The following RANBP9 variants were observed in gnomAD, a reference collection of about 807,000 sequenced individuals.
RANBP9 encodes RAN binding protein 9.
A neutral mutation model predicts 84.3 loss-of-function variants in RANBP9; 15 were observed. That is an observed-to-expected ratio of 0.18 (90% CI 0.12 to 0.27). The LOEUF (loss-of-function observed/expected upper bound fraction) is 0.27. Ranked by LOEUF, RANBP9 falls within the 10% of genes least tolerant of loss-of-function variation. The pLI, the probability that RANBP9 is intolerant of heterozygous loss-of-function variation, is 1.00. For missense variants in RANBP9, 809 were observed against 912.8 expected, an observed-to-expected ratio of 0.89 and a Z score of 1.46; for synonymous variants, 392 against 349.6, an observed-to-expected ratio of 1.12 and a Z score of -1.35.
At chr6:13,652,832 A>G in intron 4 of RANBP9, 151 bp from the exon 5 acceptor site, 1 of 645,218 alleles carries the variant, frequency 1.5e-6, no homozygotes, top group East Asian at 2.8e-5. Context: ...TTTTTAATCA[A>G]TAATACTAAC....
rs1325073516 is a variant in RANBP9, at chr6:13,653,287, T to C, written c.905-606A>G. On this transcript the variant is annotated intron_variant, in intron 4 of 13. Coordinates refer to ENST00000011619, the MANE Select transcript of RANBP9 (RefSeq NM_005493.3). ...GTTTAGAATTTCTCTTGAATACCTT[T>C]TGACAGTAATTACAACAGTCATGTT... 2.6e-5 allele frequency among the ~76,000 whole-genome samples: 4 copies of C among 152,162 alleles called. No individual in the cohort carries two copies. The East Asian group carries it at 7.7e-4, about 29-fold the overall frequency.
chr6:13,673,326 TAA>T (rs1765816429), intron 2 of RANBP9, among the ~76,000 whole-genome samples: 1 of 151,992 alleles, frequency 6.6e-6, no homozygotes, highest in Admixed American at 6.6e-5. Flanking sequence ...GAAAGAAAAA[TAA>T]AGACTTTCTC....
chr6:13,709,052 A>C (rs1758205356), intron 1 of RANBP9, among the ~76,000 whole-genome samples: 1 of 152,236 alleles, frequency 6.6e-6, no homozygotes. Flanking sequence ...AACAGAAAGT[A>C]ATAAAGAGGC....
chr6:13,698,524 A>C (rs1246459783), intron 1 of RANBP9, among the ~76,000 whole-genome samples: 2 of 152,190 alleles, frequency 1.3e-5, no homozygotes, highest in African/African-American at 4.8e-5. Flanking sequence ...GTTACAAATA[A>C]ATCTATAGAA....
chr6:13,629,725 A>G (rs1261775178), intron 12 of RANBP9, among the ~76,000 whole-genome samples: 1 of 152,180 alleles, frequency 6.6e-6, no homozygotes, highest in Non-Finnish European at 1.5e-5. Flanking sequence ...AAACAATTCA[A>G]GAGTTCTTTT....
chr6:13,632,612 T>C (rs1764822436), intron 11 of RANBP9, 91 bp from the exon 12 acceptor site: 2 of 1,188,290 alleles, frequency 1.7e-6, no homozygotes, highest in Non-Finnish European at 2.4e-6. Flanking sequence ...TTTTGTACAT[T>C]TAGTAACTAT....
At chr6:13,674,741 T>C (rs1280797851) in intron 2 of RANBP9, among the ~76,000 whole-genome samples, 1 of 152,218 alleles carries the variant, frequency 6.6e-6, no homozygotes, top group African/African-American at 2.4e-5. Context: ...CAATACATAT[T>C]AAGGGCTGTA....
chr6:13,698,894 G>A (rs182733005), intron 1 of RANBP9, among the ~76,000 whole-genome samples: 10 of 152,162 alleles, frequency 6.6e-5, no homozygotes, highest in Admixed American at 2.6e-4. Flanking sequence ...CCCACATGAA[G>A]GATTTAGTTA....
intron 2 of RANBP9, among the ~76,000 whole-genome samples, chr6:13,682,830 G>A (rs1766076679): frequency 6.6e-6 from 1 of 152,170 alleles, no homozygotes. Flanking sequence ...TATAAAATGA[G>A]AGACTTTAAA....
chr6:13,651,961 G>A (rs1254212544), intron 5 of RANBP9, among the ~76,000 whole-genome samples: 1 of 151,898 alleles, frequency 6.6e-6, no homozygotes, highest in East Asian at 1.9e-4. Context: ...AGCCATCTGT[G>A]CTCCTGCCTG....
chr6:13,678,365 T>C (rs1273876773), intron 2 of RANBP9, among the ~76,000 whole-genome samples: 1 of 152,148 alleles, frequency 6.6e-6, no homozygotes, highest in Admixed American at 6.5e-5. Flanking sequence ...TTAAAACATG[T>C]TTCTTATTTA....
chr6:13,699,959 T>C (rs916945825), intron 1 of RANBP9, among the ~76,000 whole-genome samples: 6 of 152,218 alleles, frequency 3.9e-5, no homozygotes, highest in African/African-American at 1.4e-4. Flanking sequence ...AAAGGGCCTA[T>C]TTCTAACAAT....
In RANBP9 at chr6:13,696,853, C is replaced by T. The variant is rs1179391643; in HGVS notation, c.615G>A (p.Thr205=). 7.4e-6 allele frequency: 12 copies of T among 1,612,946 alleles called. No individual in the cohort carries two copies. The highest frequency in any genetic ancestry group is 3.3e-4 in the Middle Eastern group (2 of 6,082). ...TCCCACAGGCTGCTGGTATTGGATG[C>T]GTGGCTCGAACTGACGCGGCATCTT... ...TPKDAASVRA[T]HPIPAACGIY... is the part of the protein sequence containing the mutation. The change falls in exon 2 of 14, where the codon ACG becomes ACA. Residue 205 remains threonine (T), a synonymous_variant. Transcript: ENST00000011619.
At chr6:13,705,868 CAAAAA>C (rs767070995) in intron 1 of RANBP9, among the ~76,000 whole-genome samples, 5 of 76,766 alleles carry the variant, frequency 6.5e-5, no homozygotes, top group African/African-American at 2.1e-4. Context: ...GACTCCGTCT[CAAAAA>C]AAAAAAAAAA....
chr6:13,648,141 G>GTTTTTTTTTTTTTTTTT (rs375219477), intron 5 of RANBP9, among the ~76,000 whole-genome samples: 1 of 80,646 alleles, frequency 1.2e-5, no homozygotes, highest in Non-Finnish European at 2.4e-5. Context: ...TATATGACTG[G>GTTTTTTTTTTTTTTTTT]TTTTTTTTTT....
intron 2 of RANBP9, among the ~76,000 whole-genome samples, chr6:13,682,884 C>T (rs1023080218): frequency 6.6e-6 from 1 of 152,098 alleles, no homozygotes; most frequent in African/African-American, 2.4e-5. Context: ...CTTTGAAATG[C>T]ATTTTAAAAA....
intron 6 of RANBP9, among the ~76,000 whole-genome samples, chr6:13,643,477 A>T (rs1362126530): frequency 6.6e-6 from 1 of 152,166 alleles, no homozygotes; most frequent in Non-Finnish European, 1.5e-5. Flanking sequence ...GAGCGGAGGG[A>T]GAAAAGGGAG....
chr6:13,633,572 A>G (rs1764850342), intron 11 of RANBP9, among the ~76,000 whole-genome samples: 1 of 152,218 alleles, frequency 6.6e-6, no homozygotes. Context: ...CCAAGGTCAC[A>G]CAGCTAGTAA....
intron 12 of RANBP9, among the ~76,000 whole-genome samples, chr6:13,627,910 C>G (rs1047294092): frequency 2.0e-5 from 3 of 152,018 alleles, no homozygotes; most frequent in Non-Finnish European, 4.4e-5. Flanking sequence ...AGCAAACCAC[C>G]ATGGCACACG....
Sources: gnomAD v4.1 joint callset for allele counts (sites outside exome capture counted in the v4.1 genomes callset) on GRCh38, gnomAD v4.1.1 for gene constraint, MANE v1.5 for transcripts, NCBI Gene and HGNC (gene_info 2026-07-23, HGNC 2026-07-21) for gene names.